SNX31: variants seen among roughly 807,000 people sequenced by gnomAD.
The protein encoded by SNX31 is sorting nexin 31.
Under a neutral mutation model 65.4 loss-of-function variants are expected in SNX31, and 58 were observed. The observed-to-expected ratio is 0.89, with a 90% CI of 0.72 to 1.10. SNX31 has a LOEUF of 1.10. SNX31 is among the 50% of genes least tolerant of loss of function. SNX31 has a pLI of 0.00. For missense variants in SNX31, 523 were observed against 529.7 expected (o/e 0.99, Z 0.12); for synonymous variants, 181 against 190.1 (o/e 0.95, Z 0.39).
At chr8:100,580,359 G>T (rs570071630) in intron 12 of SNX31, among the ~76,000 whole-genome samples, 2 of 152,058 alleles carry the variant, frequency 1.3e-5, no homozygotes, top group East Asian at 3.9e-4. Context: ...TCTCTAAATG[G>T]CAGAGATTGT....
chr8:100,641,625 CATATATATATATATATATAT>C (rs368399829), intron 2 of SNX31, among the ~76,000 whole-genome samples: 3 of 48,836 alleles, frequency 6.1e-5, no homozygotes, highest in Non-Finnish European at 1.0e-4. Context: ...CACACACGCG[CATATATATATATATATATAT>C]ATATATATAT....
In SNX31 at chr8:100,594,672, T is replaced by C. The variant is rs1814899780; in HGVS notation, c.978+1967A>G. 6.6e-6 allele frequency among the ~76,000 whole-genome samples: 1 copy of C among 152,180 alleles called. No homozygotes were observed. On this transcript the variant is annotated intron_variant, in intron 10 of 13. Coordinates refer to ENST00000311812, the MANE Select transcript of SNX31 (RefSeq NM_152628.4). This position sits in a 1 kb window ranked among gnomAD's most constrained non-coding sequence, Gnocchi z 4.0. ...AAATGCTGGTGAGAATGCAGAAAAC[T>C]GGTTCACTCACACATTGCTGGTGGG... is the stretch of plus-strand genomic sequence containing the variant.
At chr8:100,638,968 T>C (rs76036505) in intron 2 of SNX31, among the ~76,000 whole-genome samples, 2 of 152,226 alleles carry the variant, frequency 1.3e-5, no homozygotes, top group Non-Finnish European at 1.5e-5. Flanking sequence ...ATATACTATA[T>C]GATTTCAATT....
At position 100,585,993 on chromosome 8, in the gene SNX31, T is replaced by C. The variant is rs960951015; in HGVS notation, c.1093-1805A>G. Among the ~76,000 whole-genome samples the C allele has an allele frequency of 7.2e-5, 11 of 152,260 alleles. No individual in the cohort carries two copies. The East Asian group carries it at 2.1e-3, about 29-fold the overall frequency. On this transcript the variant is annotated intron_variant, in intron 11 of 13. Coordinates refer to ENST00000311812, the MANE Select transcript of SNX31 (RefSeq NM_152628.4). ...TGGAGCACAGTGGTGTAATCTTGGC[T>C]CACTACAACCTTCGCCTCCCAGATT...
intron 7 of SNX31, among the ~76,000 whole-genome samples, chr8:100,608,924 C>T (rs1478333369): frequency 6.6e-6 from 1 of 152,142 alleles, no homozygotes; most frequent in Non-Finnish European, 1.5e-5. Flanking sequence ...AGACCTACCC[C>T]CATATTCACC....
chr8:100,589,670 A>G (rs1385964089), intron 10 of SNX31, among the ~76,000 whole-genome samples: 2 of 152,226 alleles, frequency 1.3e-5, no homozygotes, highest in East Asian at 1.9e-4. Context: ...AGACACTACA[A>G]GGGACTGTGC....
chr8:100,618,266 A>T, intron 4 of SNX31: 1 of 1,470,618 alleles, frequency 6.8e-7, no homozygotes, highest in Non-Finnish European at 9.1e-7. Flanking sequence ...ACAACTGAGT[A>T]TCTATATTGG....
chr8:100,619,688 C>T (rs1817544093), intron 4 of SNX31: 1 of 152,252 alleles, frequency 6.6e-6, no homozygotes, highest in Non-Finnish European at 1.5e-5. Context: ...TGCTGTCAGT[C>T]CACAGACCTG....
At position 100,649,322 on chromosome 8, in the gene SNX31, G is replaced by A. The variant is rs866532955; in HGVS notation, c.93C>T (p.Phe31=). 3.1e-6 allele frequency: 5 copies of A among 1,614,048 alleles called. No homozygotes were observed. In the African/African-American group the frequency reaches 4.0e-5, roughly 13 times the overall value. The stretch of plus-strand genomic sequence containing the variant: ...GGCTGTAGCGCACCCTGCAGAAGAG[G>A]AACCCGTCCAGGTGCACGGAGTACA... ...YVLYSVHLDG[F]LFCRVRYSQL... Residue 31 remains phenylalanine (F), a synonymous_variant, in exon 2 of 14, where the codon TTC becomes TTT. Transcript: ENST00000311812.
At chr8:100,634,436 C>A (rs1304833667) in intron 3 of SNX31, among the ~76,000 whole-genome samples, 2 of 152,024 alleles carry the variant, frequency 1.3e-5, no homozygotes, top group Non-Finnish European at 2.9e-5. Context: ...CAAAATACAG[C>A]ACCCAAGTGT....
At chr8:100,662,273 G>A (rs1318741658) in intron 1 of SNX31, among the ~76,000 whole-genome samples, 9 of 152,232 alleles carry the variant, frequency 5.9e-5, no homozygotes, top group Non-Finnish European at 1.2e-4. Context: ...AACCCAGACA[G>A]TGTGATTCTA....
chr8:100,580,064 A>G (rs1813359027), intron 12 of SNX31, among the ~76,000 whole-genome samples: 1 of 150,940 alleles, frequency 6.6e-6, no homozygotes, highest in African/African-American at 2.4e-5. Context: ...AGGAGACTGC[A>G]GTGGGGATGA....
At chr8:100,633,066 G>A (rs1021048577) in intron 3 of SNX31, among the ~76,000 whole-genome samples, 3 of 151,740 alleles carry the variant, frequency 2.0e-5, no homozygotes, top group East Asian at 1.9e-4. Flanking sequence ...GTGCAGGCAC[G>A]TGCCACTACA....
rs778368289 is a variant in SNX31 at position 100,596,828 on chromosome 8, G to A, written c.789C>T (p.Ala263=). 2 of 1,613,640 alleles carry A rather than the reference G, an allele frequency of 1.2e-6. No individual in the cohort carries two copies. Among genetic ancestry groups the A allele is most frequent in the Non-Finnish European group, 1.7e-6 (2 of 1,180,018 alleles). ...EDSQTKFLEL[A]REVRHYGYLQ... ...GGTATCCATAGTGCCGTACCTCCCG[G>A]GCCAGCTCCAAAAACTGCTCCAAAG... Residue 263 remains alanine (A), a synonymous_variant, in exon 10 of 14, where the codon GCC becomes GCT. Transcript: ENST00000311812.
chr8:100,620,349 G>A (rs1262783523), intron 4 of SNX31, among the ~76,000 whole-genome samples: 3 of 152,176 alleles, frequency 2.0e-5, no homozygotes, highest in Non-Finnish European at 4.4e-5. Flanking sequence ...GGGAGCCCCA[G>A]CAACTCAATC....
chr8:100,591,170 C>G (rs137980219), intron 10 of SNX31, among the ~76,000 whole-genome samples: 3 of 152,128 alleles, frequency 2.0e-5, no homozygotes, highest in Non-Finnish European at 2.9e-5. Context: ...GAAAGAACAT[C>G]TGGAAAGCAG....
intron 2 of SNX31, among the ~76,000 whole-genome samples, chr8:100,641,660 G>A (rs28590298): frequency 0.031 from 714 of 23,274 alleles, 4 homozygotes; most frequent in African/African-American, 0.064. Context: ...ATATATATAT[G>A]TATGGTACTT....
intron 12 of SNX31, among the ~76,000 whole-genome samples, chr8:100,583,016 C>T (rs927968566): frequency 6.6e-6 from 1 of 150,874 alleles, no homozygotes; most frequent in African/African-American, 2.4e-5. Context: ...AGAAAAGTTT[C>T]CCAATATTTT....
At chr8:100,596,934 G>A (rs1815150658) in intron 9 of SNX31, 92 bp from the exon 10 acceptor site, 1 of 1,045,326 alleles carries the variant, frequency 9.6e-7, no homozygotes, top group Admixed American at 1.8e-5. Flanking sequence ...AGAAGCTACT[G>A]CCATTCTAGG....
Sources: allele counts gnomAD v4.1 joint callset (sites outside exome capture counted in the v4.1 genomes callset), GRCh38; gene constraint gnomAD v4.1.1; non-coding constraint Gnocchi (gnomAD v3.1); transcripts MANE v1.5; gene names NCBI Gene and HGNC (gene_info 2026-07-23, HGNC 2026-07-21).